Variants in C4orf36 observed in about 807,000 individuals in gnomAD.
C4orf36 encodes uncharacterized protein C4orf36.
A neutral mutation model predicts 12.2 loss-of-function variants in C4orf36; 11 were observed. That is an observed-to-expected ratio of 0.90 (90% CI 0.57 to 1.49). C4orf36 has a LOEUF of 1.49. Among genes scored for constraint, C4orf36 ranks in the 40% most tolerant of loss-of-function variants. The pLI is 0.00. For missense variants in C4orf36, 137 were observed against 133.9 expected (o/e 1.02, Z -0.11); for synonymous variants, 54 against 51.3 (o/e 1.05, Z -0.22).
At chr4:86,878,703 C>T (rs533155330) in intron 4 of C4orf36, among the ~76,000 whole-genome samples, 9 of 152,210 alleles carry the variant, frequency 5.9e-5, no homozygotes, top group African/African-American at 1.2e-4. Flanking sequence ...TCTGGTTTTT[C>T]GGGGATGCTG....
At chr4:86,928,320 T>C in the C4orf36 span, among the ~76,000 whole-genome samples, 2 of 152,188 alleles carry the variant, frequency 1.3e-5, no homozygotes, top group Non-Finnish European at 2.9e-5. Context: ...CTGTAGAAGC[T>C]GGGGCTATGG....
In C4orf36 at chr4:86,888,141, C is replaced by T. The variant is rs764848282; in HGVS notation, c.200G>A (p.Gly67Glu). 2.0e-5 allele frequency: 32 copies of T among 1,613,524 alleles called. No individual in the cohort carries two copies. In the African/African-American group the frequency reaches 4.1e-4, roughly 21 times the overall value. ...CTTACATTCTGCAGAAGGGAGCAGTCCATCTTTAATGGTGGTACATTTTGT... is the reference window on the plus strand; with the variant it reads ...CTTACATTCTGCAGAAGGGAGCAGTTCATCTTTAATGGTGGTACATTTTGT... ...QLTKCTTIKD[G>E]LLPSAESIKL... The change falls in exon 3 of 5, where the codon GGA (glycine) becomes GAA (glutamate). Residue 67 changes from glycine to glutamate, a missense_variant. Coordinates refer to ENST00000295898, the MANE Select transcript of C4orf36 (RefSeq NM_144645.4).
At chr4:86,903,094 A>C in the C4orf36 span, among the ~76,000 whole-genome samples, 233 of 152,298 alleles carry the variant, frequency 1.5e-3, 1 homozygote, top group Non-Finnish European at 2.3e-3. Flanking sequence ...TAAACTGTAC[A>C]TTTATGTTTA....
At chr4:86,907,147 A>G in the C4orf36 span, among the ~76,000 whole-genome samples, 3 of 152,220 alleles carry the variant, frequency 2.0e-5, no homozygotes, top group African/African-American at 7.2e-5. Flanking sequence ...CATTTCTCCA[A>G]GAGTGGCCCA....
intron 4 of C4orf36, among the ~76,000 whole-genome samples, chr4:86,877,822 G>T (rs750548241): frequency 6.6e-6 from 1 of 152,012 alleles, no homozygotes; most frequent in African/African-American, 2.4e-5. Flanking sequence ...TGATTGTTCC[G>T]CACCTTTATA....
intron 4 of C4orf36, among the ~76,000 whole-genome samples, chr4:86,879,292 TAAAC>T (rs1746992389): frequency 6.6e-6 from 1 of 151,990 alleles, no homozygotes; most frequent in South Asian, 2.1e-4. Flanking sequence ...ACAGAGAAGA[TAAAC>T]AACTAAAAAT....
chr4:86,925,984 C>G, the C4orf36 span: 1 of 150,040 alleles, frequency 6.7e-6, no homozygotes, highest in Admixed American at 6.7e-5. Flanking sequence ...TGAAGCAATT[C>G]TCCTGCCTCA....
the C4orf36 span, among the ~76,000 whole-genome samples, chr4:86,916,352 T>C: frequency 7.8e-6 from 1 of 128,354 alleles, no homozygotes; most frequent in East Asian, 2.3e-4. Flanking sequence ...CAAAATGACA[T>C]ACTATGTGGA....
intron 4 of C4orf36, among the ~76,000 whole-genome samples, chr4:86,883,213 C>A (rs562677513): frequency 8.6e-6 from 1 of 115,678 alleles, no homozygotes; most frequent in East Asian, 3.1e-4. Flanking sequence ...CACACAAATT[C>A]TCCATGCTAC....
intron 4 of C4orf36, among the ~76,000 whole-genome samples, chr4:86,878,833 G>C (rs1746981862): frequency 6.6e-6 from 1 of 152,216 alleles, no homozygotes; most frequent in Non-Finnish European, 1.5e-5. Flanking sequence ...CAGCACTGGA[G>C]AGAGTGTAGT....
chr4:86,897,339 T>G (rs184002795), upstream of C4orf36, among the ~76,000 whole-genome samples: 1 of 152,010 alleles, frequency 6.6e-6, no homozygotes, highest in East Asian at 1.9e-4. Context: ...CCAGCCTGGG[T>G]GAATGAGTGA....
the C4orf36 span, among the ~76,000 whole-genome samples, chr4:86,921,607 T>C: frequency 6.6e-6 from 1 of 152,332 alleles, no homozygotes; most frequent in East Asian, 1.9e-4. Flanking sequence ...GTGACTGAAT[T>C]TGAAAAGCAA....
the C4orf36 span, among the ~76,000 whole-genome samples, chr4:86,933,759 G>A: frequency 1.3e-5 from 2 of 152,226 alleles, no homozygotes; most frequent in Non-Finnish European, 2.9e-5. Context: ...TGTAAGAGAT[G>A]ACTCCTGTCC....
the C4orf36 span, among the ~76,000 whole-genome samples, chr4:86,913,074 A>G: frequency 6.6e-6 from 1 of 152,220 alleles, no homozygotes; most frequent in Non-Finnish European, 1.5e-5. Flanking sequence ...TAAAAAAAAA[A>G]AAGTACTGCT....
At chr4:86,933,701 A>G in the C4orf36 span, among the ~76,000 whole-genome samples, 2 of 152,380 alleles carry the variant, frequency 1.3e-5, no homozygotes, top group South Asian at 4.1e-4. Flanking sequence ...ATTGATTAGA[A>G]TAGAGATCAG....
At chr4:86,878,859 C>T (rs1684805799) in intron 4 of C4orf36, among the ~76,000 whole-genome samples, 1 of 152,104 alleles carries the variant, frequency 6.6e-6, no homozygotes, top group African/African-American at 2.4e-5. Context: ...AGACAGACAC[C>T]AGGAAAAGCA....
chr4:86,891,042 G>T (rs1747389390), intron 2 of C4orf36, among the ~76,000 whole-genome samples: 1 of 152,168 alleles, frequency 6.6e-6, no homozygotes, highest in South Asian at 2.1e-4. Flanking sequence ...CTAATTAGGT[G>T]CTCTGTTAAG....
chr4:86,929,514 C>T, the C4orf36 span, among the ~76,000 whole-genome samples: 1 of 152,142 alleles, frequency 6.6e-6, no homozygotes, highest in African/African-American at 2.4e-5. Context: ...CTTACTCCTT[C>T]TTTGGCTCCT....
the C4orf36 span, among the ~76,000 whole-genome samples, chr4:86,910,963 G>A: frequency 6.6e-6 from 1 of 152,044 alleles, no homozygotes; most frequent in South Asian, 2.1e-4. Context: ...TGCACCTGTA[G>A]TCCCAGCTAC....
Sources: gnomAD v4.1 joint callset for allele counts (sites outside exome capture counted in the v4.1 genomes callset) on GRCh38, gnomAD v4.1.1 for gene constraint, MANE v1.5 for transcripts, NCBI Gene and HGNC (gene_info 2026-07-23, HGNC 2026-07-21) for gene names.